The following TNNI3K variants were observed in gnomAD, a reference collection of about 807,000 sequenced individuals.
The protein encoded by TNNI3K is serine/threonine-protein kinase TNNI3K.
Under a neutral mutation model 114.5 loss-of-function variants are expected in TNNI3K, and 140 were observed. The observed-to-expected ratio is 1.22, with a 90% CI of 1.07 to 1.41. TNNI3K has a LOEUF of 1.41. TNNI3K is among the 40% of genes most tolerant of loss of function. TNNI3K has a pLI of 0.00. For synonymous variants in TNNI3K, 347 were observed against 347.5 expected, an observed-to-expected ratio of 1.00 and a Z score of 0.02; for missense variants, 1,125 against 1,007.6, an observed-to-expected ratio of 1.12 and a Z score of -1.58.
intron 4 of TNNI3K, among the ~76,000 whole-genome samples, chr1:74,266,912 G>T (rs945816177): frequency 1.3e-5 from 2 of 151,910 alleles, no homozygotes; most frequent in South Asian, 4.1e-4. Context: ...TATAGCTGGA[G>T]CGCTTTTTTG....
chr1:74,513,173 G>T (rs751443618), intron 23 of TNNI3K, among the ~76,000 whole-genome samples: 3 of 152,316 alleles, frequency 2.0e-5, no homozygotes, highest in Non-Finnish European at 4.4e-5. Context: ...CTAAGATGAG[G>T]AAATGGTTGT....
At chr1:74,382,692 C>G (rs563062156) in intron 17 of TNNI3K, among the ~76,000 whole-genome samples, 1 of 152,254 alleles carries the variant, frequency 6.6e-6, no homozygotes, top group African/African-American at 2.4e-5. Flanking sequence ...ATGTTTCAAC[C>G]CTTGTATGTG....
intron 5 of TNNI3K, among the ~76,000 whole-genome samples, chr1:74,329,273 G>C (rs1036019784): frequency 1.3e-5 from 2 of 152,010 alleles, no homozygotes; most frequent in Non-Finnish European, 2.9e-5. Flanking sequence ...AGTAGACTTT[G>C]ATTACCACTG....
At chr1:74,242,664 A>T (rs923868513) in intron 2 of TNNI3K, among the ~76,000 whole-genome samples, 3 of 152,212 alleles carry the variant, frequency 2.0e-5, no homozygotes, top group African/African-American at 7.2e-5. Context: ...CAAAACAAAA[A>T]ATAAGAATCG....
At chr1:74,386,682 A>T (rs1663497760) in intron 17 of TNNI3K, among the ~76,000 whole-genome samples, 1 of 152,296 alleles carries the variant, frequency 6.6e-6, no homozygotes, top group Non-Finnish European at 1.5e-5. Flanking sequence ...GGTCTGTGAA[A>T]AATATTTTCT....
At chr1:74,351,121 T>C (rs910847597) in intron 9 of TNNI3K, among the ~76,000 whole-genome samples, 4 of 151,878 alleles carry the variant, frequency 2.6e-5, no homozygotes, top group Non-Finnish European at 4.4e-5. Flanking sequence ...TTCCTTTCCA[T>C]GTTTAGTGCT....
chr1:74,404,538 T>G (rs1443776350), intron 17 of TNNI3K, among the ~76,000 whole-genome samples: 2 of 152,192 alleles, frequency 1.3e-5, no homozygotes, highest in African/African-American at 4.8e-5. Context: ...CTGGACAGAT[T>G]GTTAAAGCAC....
chr1:74,338,274 G>T (rs1402329472), intron 7 of TNNI3K, among the ~76,000 whole-genome samples: 1 of 150,958 alleles, frequency 6.6e-6, no homozygotes, highest in African/African-American at 2.4e-5. Context: ...TGATCCATTT[G>T]GGAAAAAGAA....
intron 5 of TNNI3K, among the ~76,000 whole-genome samples, chr1:74,275,761 G>C (rs187948257): frequency 6.6e-6 from 1 of 152,058 alleles, no homozygotes; most frequent in Non-Finnish European, 1.5e-5. Flanking sequence ...GAGAGTAGAA[G>C]TCTAAGGCGT....
In TNNI3K at chr1:74,520,811, G is replaced by A. The variant is rs138032127; in HGVS notation, c.2352-19423G>A. On this transcript the variant is annotated intron_variant, in intron 23 of 24. Transcript: ENST00000326637. ...CAACATGTGGGTTGCAGCTGGGGTGGGTGTAACAGGGCTAAGAAGCCCCTT... is the reference window on the plus strand; with the variant it reads ...CAACATGTGGGTTGCAGCTGGGGTGAGTGTAACAGGGCTAAGAAGCCCCTT... Among the ~76,000 whole-genome samples the A allele has an allele frequency of 3.9e-3, 600 of 152,194 alleles. 6 individuals carry two copies. The highest frequency in any genetic ancestry group is 0.014 in the African/African-American group (567 of 41,532).
At chr1:74,274,867 A>G (rs1458295529) in intron 5 of TNNI3K, among the ~76,000 whole-genome samples, 1 of 152,114 alleles carries the variant, frequency 6.6e-6, no homozygotes, top group Non-Finnish European at 1.5e-5. Context: ...ATCATCTAAC[A>G]GAATACCTCT....
At chr1:74,379,792 C>A (rs931751211) in intron 17 of TNNI3K, among the ~76,000 whole-genome samples, 2 of 152,226 alleles carry the variant, frequency 1.3e-5, no homozygotes, top group South Asian at 2.1e-4. Flanking sequence ...TATTCTCCCC[C>A]CTATACTTCA....
rs1026683689 is a variant in TNNI3K at position 74,528,476 on chromosome 1, A to G, written c.2352-11758A>G. ...TTGGAGCCCCCGTGGGTAAAGGAGG[A>G]TATTTGTGTGTGTGTTGGAGTGGGG... On this transcript the variant is annotated intron_variant, in intron 23 of 24. Transcript: ENST00000326637. Among the ~76,000 whole-genome samples the G allele has an allele frequency of 1.8e-4, 27 of 152,168 alleles. 1 individual carries two copies. Among genetic ancestry groups the G allele is most frequent in the African/African-American group, 5.8e-4 (24 of 41,508 alleles).
At chr1:74,264,165 T>C (rs1160394154) in intron 4 of TNNI3K, among the ~76,000 whole-genome samples, 2 of 145,270 alleles carry the variant, frequency 1.4e-5, no homozygotes, top group African/African-American at 5.1e-5. Context: ...TCTTTTTTTC[T>C]TTTTTTTTTT....
chr1:74,525,508 A>G (rs958787644), intron 23 of TNNI3K, among the ~76,000 whole-genome samples: 3 of 152,148 alleles, frequency 2.0e-5, no homozygotes, highest in Non-Finnish European at 1.5e-5. Context: ...AATCTGAGAG[A>G]TGAGGCTGAA....
intron 23 of TNNI3K, among the ~76,000 whole-genome samples, chr1:74,506,382 G>A (rs1480187948): frequency 6.6e-6 from 1 of 152,144 alleles, no homozygotes. Context: ...TTTGTAACTA[G>A]TAAACAGCAG....
At chr1:74,348,926 A>G (rs1467281110) in intron 9 of TNNI3K, among the ~76,000 whole-genome samples, 3 of 152,164 alleles carry the variant, frequency 2.0e-5, no homozygotes, top group Non-Finnish European at 2.9e-5. Context: ...TAGATATACA[A>G]TCATGTCATC....
intron 21 of TNNI3K, chr1:74,480,615 CTG>C (rs1668442105): frequency 1.4e-6 from 1 of 717,120 alleles, no homozygotes; most frequent in Admixed American, 2.0e-5. Context: ...AAAGAACTGT[CTG>C]TGAGATTAGT....
chr1:74,299,399 A>G (rs539846737), intron 5 of TNNI3K, among the ~76,000 whole-genome samples: 1 of 128,180 alleles, frequency 7.8e-6, no homozygotes, highest in East Asian at 2.3e-4. Flanking sequence ...ATATCAAATA[A>G]GTAGATTAGA....
Sources: allele counts gnomAD v4.1 joint callset (sites outside exome capture counted in the v4.1 genomes callset), GRCh38; gene constraint gnomAD v4.1.1; transcripts MANE v1.5; gene names NCBI Gene and HGNC (gene_info 2026-07-23, HGNC 2026-07-21).